SH3RF2: variants seen among roughly 807,000 people sequenced by gnomAD.
The protein encoded by SH3RF2 is E3 ubiquitin-protein ligase SH3RF2.
SH3RF2 carries 43 observed loss-of-function variants against 59.0 expected under a neutral mutation model. The ratio of observed to expected loss-of-function variants is 0.73; its 90% confidence interval spans 0.57 to 0.94. The LOEUF (loss-of-function observed/expected upper bound fraction) is 0.94. Among genes scored for constraint, SH3RF2 ranks in the 40% least tolerant of loss-of-function variants. The probability of loss-of-function intolerance (pLI) is 0.00; values close to 1 mark genes in which losing one functional copy is unlikely to be tolerated. For missense variants in SH3RF2, 930 were observed against 940.1 expected, an observed-to-expected ratio of 0.99 and a Z score of 0.14; for synonymous variants, 391 against 391.5, an observed-to-expected ratio of 1.00 and a Z score of 0.01.
exon 10 of SH3RF2, chr5:146,079,712 C>T (rs777516294): frequency 2.0e-5 from 3 of 152,130 alleles, no homozygotes; most frequent in East Asian, 1.9e-4. Context: ...TCTTTTAATG[C>T]GATGAATAAT....
At chr5:146,012,403 T>G (rs973730871) in intron 4 of SH3RF2, among the ~76,000 whole-genome samples, 1 of 152,240 alleles carries the variant, frequency 6.6e-6, no homozygotes, top group African/African-American at 2.4e-5. Flanking sequence ...GGATTCCCTC[T>G]TATTCTATTG....
chr5:145,967,572 A>G (rs893550342), intron 2 of SH3RF2, among the ~76,000 whole-genome samples: 1 of 152,224 alleles, frequency 6.6e-6, no homozygotes, highest in African/African-American at 2.4e-5. Context: ...CAGGTTCTTG[A>G]CCACAACGTG....
intron 2 of SH3RF2, among the ~76,000 whole-genome samples, chr5:145,961,266 T>C (rs1758621578): frequency 6.6e-6 from 1 of 150,880 alleles, no homozygotes; most frequent in Admixed American, 6.6e-5. Context: ...AGTTGTCACT[T>C]ATGACAATCT....
At chr5:146,017,989 T>C (rs1433098675) in intron 5 of SH3RF2, among the ~76,000 whole-genome samples, 1 of 152,210 alleles carries the variant, frequency 6.6e-6, no homozygotes, top group African/African-American at 2.4e-5. Context: ...TACAAACATA[T>C]GACTGTCCTC....
intron 5 of SH3RF2, among the ~76,000 whole-genome samples, chr5:146,016,037 C>T (rs1761091239): frequency 6.6e-6 from 1 of 152,152 alleles, no homozygotes; most frequent in Non-Finnish European, 1.5e-5. Flanking sequence ...CTACCTTCCC[C>T]ACTCCAGCAA....
chr5:146,048,764 C>G (rs776063841), intron 6 of SH3RF2, among the ~76,000 whole-genome samples: 15 of 152,120 alleles, frequency 9.9e-5, no homozygotes, highest in Non-Finnish European at 1.3e-4. Context: ...GTCTTTACCC[C>G]CTGACTCATA....
chr5:145,979,003 T>C (rs575987031), intron 2 of SH3RF2, among the ~76,000 whole-genome samples: 13 of 152,194 alleles, frequency 8.5e-5, no homozygotes, highest in Non-Finnish European at 1.8e-4. Flanking sequence ...GGAACACAGA[T>C]ATCCTACCAA....
chr5:146,005,735 C>T (rs996161375), intron 4 of SH3RF2, among the ~76,000 whole-genome samples: 12 of 151,990 alleles, frequency 7.9e-5, no homozygotes, highest in Admixed American at 7.9e-4. Context: ...TAGAAACCTA[C>T]TTTGTCCATA....
chr5:145,981,576 T>A (rs1392748768), intron 2 of SH3RF2, among the ~76,000 whole-genome samples: 5 of 152,314 alleles, frequency 3.3e-5, no homozygotes, highest in South Asian at 4.1e-4. Flanking sequence ...GCCTCGTAGT[T>A]TCCCACTTTC....
At chr5:146,037,100 A>G (rs1761962739) in intron 5 of SH3RF2, among the ~76,000 whole-genome samples, 1 of 152,184 alleles carries the variant, frequency 6.6e-6, no homozygotes. Context: ...TATGTCTCCT[A>G]TGTCATAATA....
chr5:145,950,879 C>T (rs944342561), intron 2 of SH3RF2, among the ~76,000 whole-genome samples: 11 of 152,208 alleles, frequency 7.2e-5, no homozygotes, highest in African/African-American at 1.9e-4. Context: ...TCAGGAAACT[C>T]TGCTTCCAAT....
At chr5:146,045,250 A>G (rs764942326) in intron 5 of SH3RF2, among the ~76,000 whole-genome samples, 8 of 152,216 alleles carry the variant, frequency 5.3e-5, no homozygotes, top group Non-Finnish European at 1.0e-4. Flanking sequence ...TTACAAACTC[A>G]GAACACTTTA....
At position 146,062,963 on chromosome 5, in the gene SH3RF2, G is replaced by A. The variant is rs114357669; in HGVS notation, c.*262G>A. 1.4e-3 allele frequency: 692 copies of A among 505,264 alleles called. 7 individuals are homozygous for A. The highest frequency in any genetic ancestry group is 0.013 in the African/African-American group (660 of 52,142). The allele number at this position is 505,264 out of a possible 1,614,324, so 31.3% of individuals were successfully genotyped here. On this transcript the variant is annotated 3_prime_UTR_variant, in exon 10 of 10. Coordinates refer to ENST00000359120, the MANE Select transcript of SH3RF2 (RefSeq NM_152550.4). ...TCAGACCAAGGAGTGAAAAATTGTC[G>A]TGCCCACTTTATGCCCCAGCATGGA...
chr5:145,959,415 T>C (rs1289646351), intron 2 of SH3RF2, among the ~76,000 whole-genome samples: 3 of 152,072 alleles, frequency 2.0e-5, no homozygotes, highest in African/African-American at 4.8e-5. Flanking sequence ...TGATAGCTCA[T>C]AGGCTGGAAA....
intron 5 of SH3RF2, among the ~76,000 whole-genome samples, chr5:146,029,037 A>G (rs763927824): frequency 3.9e-5 from 6 of 152,236 alleles, no homozygotes; most frequent in Non-Finnish European, 8.8e-5. Flanking sequence ...TACCCCCACA[A>G]CAATAAACAA....
intron 9 of SH3RF2, among the ~76,000 whole-genome samples, chr5:146,068,730 C>T (rs1482512925): frequency 7.2e-6 from 1 of 137,946 alleles, no homozygotes; most frequent in Admixed American, 7.2e-5. Flanking sequence ...CCAGGTGGCC[C>T]TATGCCCACT....
rs374780252 is a variant in SH3RF2, at chr5:146,062,613, C to G, written c.2102C>G (p.Thr701Arg). 3 of 1,614,202 alleles carry G rather than the reference C, an allele frequency of 1.9e-6. No homozygotes were observed. Among genetic ancestry groups the G allele is most frequent in the Non-Finnish European group, 2.5e-6 (3 of 1,180,020 alleles). ...HRSGCHSGQQTDLRRKSALGK... is the reference protein window; with the variant it reads ...HRSGCHSGQQRDLRRKSALGK... ...AGTGGCTGCCACTCCGGACAGCAGA[C>G]AGACCTCCGGAGAAAGTCAGCTCTT... Residue 701 changes from threonine (T) to arginine (R), a missense_variant, in exon 10 of 10, where the codon ACA becomes AGA. Physicochemically the swap from Thr to Arg is moderately conservative, Grantham distance 71 (BLOSUM62 -1). Transcript: ENST00000359120.
intron 2 of SH3RF2, among the ~76,000 whole-genome samples, chr5:145,959,645 G>A (rs556966956): frequency 0.02 from 2,933 of 146,222 alleles, 100 homozygotes; most frequent in African/African-American, 0.069. Context: ...GTGTGTGTGT[G>A]TGTATGTGTG....
At chr5:145,974,261 C>T (rs974075573) in intron 2 of SH3RF2, among the ~76,000 whole-genome samples, 3 of 152,220 alleles carry the variant, frequency 2.0e-5, no homozygotes, top group Non-Finnish European at 2.9e-5. Flanking sequence ...TCGAGCAAGA[C>T]GGAATCTTAT....
Sources: allele counts gnomAD v4.1 joint callset (sites outside exome capture counted in the v4.1 genomes callset), GRCh38; gene constraint gnomAD v4.1.1; transcripts MANE v1.5; gene names NCBI Gene and HGNC (gene_info 2026-07-23, HGNC 2026-07-21).